The following MGAT3 variants were observed in gnomAD, a reference collection of about 807,000 sequenced individuals.
MGAT3 encodes the protein GlcNAc-T III.
In MGAT3, 9 loss-of-function variants were observed where a neutral mutation model predicts 29.8. The ratio of observed to expected loss-of-function variants is 0.30; its 90% CI spans 0.18 to 0.53. The LOEUF (loss-of-function observed/expected upper bound fraction) is 0.53. Ranked by LOEUF, MGAT3 falls within the 20% of genes least tolerant of loss-of-function variation. The pLI is 0.96. For synonymous variants in MGAT3, 397 were observed against 348.9 expected (o/e 1.14, Z -1.54); for missense variants, 557 against 769.5 (o/e 0.72, Z 3.27).
At chr22:39,478,578 G>C (rs910811530) in intron 1 of MGAT3, among the ~76,000 whole-genome samples, 2 of 152,224 alleles carry the variant, frequency 1.3e-5, no homozygotes, top group African/African-American at 4.8e-5. Context: ...ACTGAGCTAG[G>C]ACTCTGGCCA....
chr22:39,469,824 C>CGGGAGGGGCTGGCACTGCCGGGGCTGCA (rs1569000917), intron 1 of MGAT3, among the ~76,000 whole-genome samples: 10 of 152,088 alleles, frequency 6.6e-5, no homozygotes, highest in Non-Finnish European at 1.2e-4. Context: ...CGAGCCTGGG[C>CGGGAGGGGCTGGCACTGCCGGGGCTGCA]GGGAGGGGCT....
intron 1 of MGAT3, among the ~76,000 whole-genome samples, chr22:39,480,278 G>A (rs1403479837): frequency 6.6e-6 from 1 of 152,206 alleles, no homozygotes; most frequent in East Asian, 1.9e-4. Context: ...CTTGGTGGTG[G>A]GAAGGAGCTG....
chr22:39,484,926 C>T (rs1035841764), intron 1 of MGAT3, among the ~76,000 whole-genome samples: 4 of 152,016 alleles, frequency 2.6e-5, no homozygotes, highest in African/African-American at 9.7e-5. Flanking sequence ...TTGCTTGAAC[C>T]TGGTAGATGG....
intron 1 of MGAT3, among the ~76,000 whole-genome samples, chr22:39,473,298 G>T (rs1159273822): frequency 2.0e-5 from 3 of 152,176 alleles, no homozygotes; most frequent in Non-Finnish European, 4.4e-5. Flanking sequence ...CTAGCATATG[G>T]CGAGGGCCCT....
In MGAT3 at chr22:39,457,522, C is replaced by G. The variant is rs1337529556; in HGVS notation, c.-37C>G. The G allele has an allele frequency of 6.6e-6, 1 of 150,436 alleles. No individual in the cohort carries two copies. Among genetic ancestry groups the G allele is most frequent in the Non-Finnish European group, 1.5e-5 (1 of 67,158 alleles). The allele number at this position is 150,436 out of a possible 1,614,324, so 9.3% of individuals were successfully genotyped here. A position where few individuals can be genotyped will look rare whatever the true frequency, so the allele number is the denominator to read the frequency against. On this transcript the variant is annotated 5_prime_UTR_variant, in exon 1 of 2. Transcript: ENST00000341184. This position sits in a 1 kb window ranked among gnomAD's most constrained non-coding sequence, Gnocchi z 6.8. ...GGGGGCCGCGGAGCCGCCGCCGCCGCTGCTGCCGCCGTTGCTGAGACCCAG... is the reference window on the plus strand; with the variant it reads ...GGGGGCCGCGGAGCCGCCGCCGCCGGTGCTGCCGCCGTTGCTGAGACCCAG...
intron 1 of MGAT3, among the ~76,000 whole-genome samples, chr22:39,467,180 C>T (rs1175892706): frequency 2.6e-5 from 4 of 152,344 alleles, no homozygotes; most frequent in African/African-American, 4.8e-5. Context: ...GTTAATTCAG[C>T]GAGTGTTGAC....
At chr22:39,474,534 C>G (rs1231926497) in intron 1 of MGAT3, among the ~76,000 whole-genome samples, 2 of 152,202 alleles carry the variant, frequency 1.3e-5, no homozygotes. Flanking sequence ...CACATCACCC[C>G]CAACCCTCTC....
chr22:39,466,982 T>C (rs1469302329), intron 1 of MGAT3, among the ~76,000 whole-genome samples: 2 of 152,200 alleles, frequency 1.3e-5, no homozygotes, highest in African/African-American at 4.8e-5. Flanking sequence ...TAAGTGCCTA[T>C]TGTGCGCCGG....
chr22:39,486,250 T>A (rs934261717), intron 1 of MGAT3: 2 of 384,812 alleles, frequency 5.2e-6, no homozygotes, highest in South Asian at 1.9e-5. Flanking sequence ...TGGGTTCAAG[T>A]AATTCTCCTG....
At chr22:39,458,631 AAGGTTTGAAAGAGGGGTCCC>A (rs2145705860) in intron 1 of MGAT3, among the ~76,000 whole-genome samples, 1 of 152,090 alleles carries the variant, frequency 6.6e-6, no homozygotes, top group East Asian at 1.9e-4. Context: ...GGGTCCTAGG[AAGGTTTGAAAGAGGGGTCCC>A]AGCCCAGGAG....
chr22:39,458,615 C>T (rs1568997536), intron 1 of MGAT3, among the ~76,000 whole-genome samples: 2 of 152,090 alleles, frequency 1.3e-5, no homozygotes, highest in African/African-American at 4.8e-5. Flanking sequence ...TAAGGGGAGC[C>T]GCTCTGGGTC....
intron 1 of MGAT3, among the ~76,000 whole-genome samples, chr22:39,467,447 G>A (rs1302487078): frequency 2.0e-5 from 3 of 152,248 alleles, no homozygotes; most frequent in African/African-American, 7.2e-5. Context: ...CTTTGGGAGT[G>A]CAGGCAGCCC....
intron 1 of MGAT3, among the ~76,000 whole-genome samples, chr22:39,465,808 T>C (rs555018454): frequency 3.5e-4 from 53 of 151,896 alleles, no homozygotes; most frequent in African/African-American, 1.3e-3. Flanking sequence ...GGCGGGTGCC[T>C]GTAATCTCAG....
Position 39,492,184 on chromosome 22 carries a change from C to G in MGAT3, c.*3235C>G, listed in dbSNP as rs1929469079. 6.0e-6 allele frequency: 1 copy of G among 166,418 alleles called. No individual in the cohort carries two copies. The highest frequency in any genetic ancestry group is 1.5e-5 in the Non-Finnish European group (1 of 68,016). The allele number at this position is 166,418 out of a possible 1,614,324, so 10.3% of individuals were successfully genotyped here. On this transcript the variant is annotated 3_prime_UTR_variant, in exon 2 of 2. Transcript: ENST00000341184. ...ATAATATTAATAATAAAAACAGCTA[C>G]AAAGTCTGAATTGTGTGCATGTGTG...
At chr22:39,466,331 A>C (rs2145711892) in intron 1 of MGAT3, among the ~76,000 whole-genome samples, 1 of 152,266 alleles carries the variant, frequency 6.6e-6, no homozygotes, top group South Asian at 2.1e-4. Flanking sequence ...CTACCAGAGC[A>C]AGTGGATCTG....
intron 1 of MGAT3, among the ~76,000 whole-genome samples, chr22:39,469,916 A>G (rs1928760945): frequency 6.6e-6 from 1 of 152,176 alleles, no homozygotes. Context: ...GCAGGGGAGG[A>G]GCGCCTGTCA....
At chr22:39,476,880 TGTCA>T (rs1928981342) in intron 1 of MGAT3, 1 of 152,114 alleles carries the variant, frequency 6.6e-6, no homozygotes, top group African/African-American at 2.4e-5. Context: ...TGTGGATGGT[TGTCA>T]GTCAAAGGAG....
At position 39,488,241 on chromosome 22, in the gene MGAT3, G is replaced by A; in HGVS notation, c.894G>A (p.Gln298=). The A allele has an allele frequency of 1.2e-6, 2 of 1,611,998 alleles. No homozygotes were observed. The highest frequency in any genetic ancestry group is 1.7e-6 in the Non-Finnish European group (2 of 1,179,906). Reference sequence around the variant, plus strand: ...ACTACCTGCGCACCTTCCTCACCCAGGACGGCGTCTCGCGGCTGCGCAACC... The same window carrying A: ...ACTACCTGCGCACCTTCCTCACCCAAGACGGCGTCTCGCGGCTGCGCAACC... The part of the protein sequence containing the change: ...ADDYLRTFLT[Q]DGVSRLRNLR... Residue 298 remains glutamine (Q), a synonymous_variant, in exon 2 of 2, where the codon CAG becomes CAA. Coordinates refer to ENST00000341184, the MANE Select transcript of MGAT3 (RefSeq NM_002409.5).
In MGAT3 at chr22:39,489,397, A is replaced by G; in HGVS notation, c.*448A>G. 4.8e-6 allele frequency: 1 copy of G among 209,244 alleles called. No homozygotes were observed. The allele number at this position is 209,244 out of a possible 1,614,324, so 13.0% of individuals were successfully genotyped here. On this transcript the variant is annotated 3_prime_UTR_variant, in exon 2 of 2. Coordinates refer to ENST00000341184, the MANE Select transcript of MGAT3 (RefSeq NM_002409.5). ...GGAGACCGGCCTGCCAGGAGGACCCAGGGCTCTGTAAGTAGATGCATTTGG... is the reference window on the plus strand; with the variant it reads ...GGAGACCGGCCTGCCAGGAGGACCCGGGGCTCTGTAAGTAGATGCATTTGG...
Sources: gnomAD v4.1 joint callset for allele counts (sites outside exome capture counted in the v4.1 genomes callset) on GRCh38, gnomAD v4.1.1 for gene constraint, Gnocchi (gnomAD v3.1) non-coding constraint, MANE v1.5 for transcripts, NCBI Gene and HGNC (gene_info 2026-07-23, HGNC 2026-07-21) for gene names.